The following ENOX2 variants were observed in gnomAD, a reference collection of about 807,000 sequenced individuals.
The protein encoded by ENOX2 is ecto-NOX disulfide-thiol exchanger 2, also known as APK1 antigen.
A neutral mutation model predicts 45.0 loss-of-function variants in ENOX2; 36 were observed. That is an observed-to-expected ratio of 0.80 (90% CI 0.61 to 1.06). The LOEUF (loss-of-function observed/expected upper bound fraction) is 1.06, where lower values mean the gene tolerates loss of function less well. ENOX2 is among the 50% of genes least tolerant of loss of function. The pLI, the probability that ENOX2 is intolerant of heterozygous loss-of-function variation, is 0.00. For missense variants in ENOX2, 423 were observed against 462.5 expected, an observed-to-expected ratio of 0.91 and a Z score of 0.78; for synonymous variants, 174 against 152.3, an observed-to-expected ratio of 1.14 and a Z score of -1.05.
chrX:130,886,617 C>T (rs980993576), intron 2 of ENOX2, among the ~76,000 whole-genome samples: 2 of 111,271 alleles, frequency 1.8e-5, no homozygotes, highest in Non-Finnish European at 1.9e-5. Flanking sequence ...GTTTGGGGCT[C>T]GTATTTGTAG....
At chrX:130,857,186 G>T (rs1233082168) in intron 2 of ENOX2, among the ~76,000 whole-genome samples, 4 of 112,069 alleles carry the variant, frequency 3.6e-5, no homozygotes, top group Non-Finnish European at 5.6e-5. Flanking sequence ...AAATAAAAAT[G>T]CTAAGGGAAA....
At chrX:130,651,588 T>C (rs965817559) in intron 10 of ENOX2, among the ~76,000 whole-genome samples, 3 of 111,750 alleles carry the variant, frequency 2.7e-5, no homozygotes, top group Non-Finnish European at 5.6e-5. Flanking sequence ...AGAACTCTTA[T>C]AGGAAGTTGC....
chrX:130,839,281 C>A lies in ENOX2; in HGVS notation c.-182-55591G>T, dbSNP rs757157186. On this transcript the variant is annotated intron_variant, in intron 2 of 14. Coordinates refer to ENST00000394363, the MANE Select transcript of ENOX2 (RefSeq NM_006375.4). ...AAGCCCTATCTATGCCACTAACCTACCTAGTGTTTGAACATGGATCAGTCA... is the reference window on the plus strand; with the variant it reads ...AAGCCCTATCTATGCCACTAACCTAACTAGTGTTTGAACATGGATCAGTCA... 1.4e-3 allele frequency among the ~76,000 whole-genome samples: 155 copies of A among 111,558 alleles called. 1 individual carries two copies. The highest frequency in any genetic ancestry group is 2.6e-3 in the Non-Finnish European group (138 of 53,130).
chrX:130,779,499 T>C (rs1250520471), intron 3 of ENOX2, among the ~76,000 whole-genome samples: 1 of 110,666 alleles, frequency 9.0e-6, no homozygotes, highest in Non-Finnish European at 1.9e-5. Flanking sequence ...TAGGGCCAGG[T>C]ATTTTTTTTT....
chrX:130,845,608 G>C (rs971623684), intron 2 of ENOX2, among the ~76,000 whole-genome samples: 12 of 112,048 alleles, frequency 1.1e-4, no homozygotes, highest in Non-Finnish European at 5.6e-5. Context: ...TGGGATTACA[G>C]GCATGTGCCA....
intron 2 of ENOX2, among the ~76,000 whole-genome samples, chrX:130,852,899 T>A (rs1048489496): frequency 9.0e-6 from 1 of 110,968 alleles, no homozygotes; most frequent in African/African-American, 3.3e-5. Context: ...AAAAAAAATA[T>A]ATCTGAGTCT....
chrX:130,661,882 A>G (rs1397119884), intron 9 of ENOX2, among the ~76,000 whole-genome samples: 1 of 112,249 alleles, frequency 8.9e-6, no homozygotes, highest in Non-Finnish European at 1.9e-5. Flanking sequence ...ATTTTACAAG[A>G]ATACTAGTAA....
At chrX:130,656,907 C>T (rs2036562666) in intron 9 of ENOX2, among the ~76,000 whole-genome samples, 1 of 111,709 alleles carries the variant, frequency 9.0e-6, no homozygotes, top group African/African-American at 3.3e-5. Flanking sequence ...GGCTTTCTTT[C>T]CAGACCCAGA....
At chrX:130,815,780 C>A (rs1054132203) in intron 2 of ENOX2, among the ~76,000 whole-genome samples, 2 of 111,903 alleles carry the variant, frequency 1.8e-5, no homozygotes, top group African/African-American at 3.3e-5. Context: ...CAGGTACCAG[C>A]CACTGCAAAA....
rs182594061 is a variant in ENOX2 at position 130,629,229 on chromosome X, T to C, written c.1529-1186A>G. On this transcript the variant is annotated intron_variant, in intron 13 of 14. Coordinates refer to ENST00000394363, the MANE Select transcript of ENOX2 (RefSeq NM_006375.4). The stretch of plus-strand genomic sequence containing the variant: ...TGAATTTCTAAACACTGATTCTGGC[T>C]GAGAAACTTAAATTCTGAAGAAGAC... Among the ~76,000 whole-genome samples the C allele has an allele frequency of 4.5e-4, 51 of 112,587 alleles. 1 individual carries two copies. Among genetic ancestry groups the C allele is most frequent in the Admixed American group, 4.3e-3 (46 of 10,645 alleles).
chrX:130,832,757 A>G (rs1254755172), intron 2 of ENOX2, among the ~76,000 whole-genome samples: 2 of 110,505 alleles, frequency 1.8e-5, no homozygotes, highest in African/African-American at 6.6e-5. Flanking sequence ...CTTTGAGAGC[A>G]GGGGTCTCCT....
chrX:130,754,981 A>T (rs2039319444), intron 3 of ENOX2, among the ~76,000 whole-genome samples: 1 of 112,260 alleles, frequency 8.9e-6, no homozygotes, highest in Admixed American at 9.4e-5. Flanking sequence ...AAGAAATTTG[A>T]GAAACTAGGA....
chrX:130,664,917 T>C (rs1603299995), intron 9 of ENOX2, among the ~76,000 whole-genome samples: 1 of 112,647 alleles, frequency 8.9e-6, no homozygotes, highest in South Asian at 3.7e-4. Context: ...GTTGAAAAGT[T>C]GCTGCATATA....
intron 4 of ENOX2, among the ~76,000 whole-genome samples, chrX:130,689,227 T>G (rs1048285841): frequency 1.8e-5 from 2 of 112,043 alleles, no homozygotes; most frequent in Non-Finnish European, 3.8e-5. Flanking sequence ...TGACCAGGGC[T>G]TATTTAAGTC....
chrX:130,792,970 T>G (rs2077065774), intron 2 of ENOX2, among the ~76,000 whole-genome samples: 1 of 112,251 alleles, frequency 8.9e-6, no homozygotes, highest in African/African-American at 3.2e-5. Flanking sequence ...TGCTGGACAG[T>G]GCTGCTCTAG....
chrX:130,864,711 C>T (rs1005879419), intron 2 of ENOX2, among the ~76,000 whole-genome samples: 1 of 112,189 alleles, frequency 8.9e-6, no homozygotes, highest in Non-Finnish European at 1.9e-5. Flanking sequence ...ACTTTAACAA[C>T]TAAATTGGAC....
At chrX:130,634,063 C>T (rs1181964874) in intron 12 of ENOX2, among the ~76,000 whole-genome samples, 1 of 112,082 alleles carries the variant, frequency 8.9e-6, no homozygotes, top group Admixed American at 9.4e-5. Context: ...TTCTTAATGA[C>T]ACTCTAGGGG....
chrX:130,686,746 T>C (rs1279214972), intron 5 of ENOX2, among the ~76,000 whole-genome samples: 1 of 112,083 alleles, frequency 8.9e-6, no homozygotes, highest in Non-Finnish European at 1.9e-5. Flanking sequence ...GAGAAGCACT[T>C]CTATTAGTGT....
At chrX:130,662,152 C>T (rs1254669480) in intron 9 of ENOX2, among the ~76,000 whole-genome samples, 1 of 112,026 alleles carries the variant, frequency 8.9e-6, no homozygotes, top group Non-Finnish European at 1.9e-5. Context: ...TTCATTCAGC[C>T]TTCTCCTAAT....
Sources: gnomAD v4.1 joint callset for allele counts (sites outside exome capture counted in the v4.1 genomes callset) on GRCh38, gnomAD v4.1.1 for gene constraint, MANE v1.5 for transcripts, NCBI Gene and HGNC (gene_info 2026-07-23, HGNC 2026-07-21) for gene names.